ERCC6L2: variants seen among roughly 807,000 people sequenced by gnomAD.
The protein encoded by ERCC6L2 is DNA excision repair protein ERCC-6-like 2.
Under a neutral mutation model 132.0 loss-of-function variants are expected in ERCC6L2, and 77 were observed. That is an observed-to-expected ratio of 0.58 (90% CI 0.49 to 0.71). ERCC6L2 has a LOEUF of 0.71. ERCC6L2 is among the 30% of genes least tolerant of loss of function. The pLI is 0.00. For synonymous variants in ERCC6L2, 583 were observed against 632.4 expected (o/e 0.92, Z 1.17); for missense variants, 1,542 against 1,837.6 (o/e 0.84, Z 2.94).
rs1020500906 is a variant in ERCC6L2, at chr9:95,897,849, G to C, written c.472G>C (p.Val158Leu). The C allele has an allele frequency of 6.2e-6, 10 of 1,611,610 alleles. No homozygotes were observed. Among genetic ancestry groups the C allele is most frequent in the African/African-American group, 2.7e-5 (2 of 74,710 alleles). ...DDMGLGKTVQ[V>L]ISFLAAVLHK... is the part of the protein sequence containing the mutation. ...GATTGAAAAAGTCTTTTTTCCCCAG[G>C]TTATTTCATTTCTGGCTGCAGTTTT... Residue 158 changes from valine (V) to leucine (L), a missense_variant and splice_region_variant, in exon 3 of 19, where the codon GTT (valine) becomes CTT (leucine). This residue lies in a region of ERCC6L2 where 945 missense variants were observed against 1,105.2 expected (regional missense o/e 0.86). Transcript: ENST00000653738.
rs1233704409 is a variant in ERCC6L2, at chr9:96,015,152, C to G, written c.*1949C>G. Among the ~76,000 whole-genome samples, 1 of 147,604 alleles carries G rather than the reference C, an allele frequency of 6.8e-6. No homozygotes were observed. Among genetic ancestry groups the G allele is most frequent in the African/African-American group, 2.5e-5 (1 of 39,900 alleles). On this transcript the variant is annotated 3_prime_UTR_variant, in exon 19 of 19. Transcript: ENST00000653738. ...TCTTATGCCTCAGCCTCCTGAGTAGCTAGGATTACAGGTGTGTACCACCAC... is the reference window on the plus strand; with the variant it reads ...TCTTATGCCTCAGCCTCCTGAGTAGGTAGGATTACAGGTGTGTACCACCAC...
At chr9:95,980,296 G>T (rs1002826413) in intron 17 of ERCC6L2, among the ~76,000 whole-genome samples, 1 of 152,096 alleles carries the variant, frequency 6.6e-6, no homozygotes, top group Admixed American at 6.6e-5. Context: ...TATACCCTTC[G>T]AGGCCATCTA....
Position 95,881,131 on chromosome 9 carries a change from T to G in ERCC6L2, c.309T>G (p.Ser103=). ...CAAACCGAAAATTTCCATCATCTTC[T>G]GTTGCTTTTAAATTATCTGACAATG... The part of the protein sequence containing the change: ...YFPNRKFPSS[S]VAFKLSDNGD... The change falls in exon 2 of 19, where the codon TCT becomes TCG. Residue 103 remains serine (S), a synonymous_variant. Coordinates refer to ENST00000653738, the MANE Select transcript of ERCC6L2 (RefSeq NM_020207.7). The G allele has an allele frequency of 6.2e-7, 1 of 1,613,806 alleles. No homozygotes were observed. The highest frequency in any genetic ancestry group is 2.2e-5 in the East Asian group (1 of 44,860).
At chr9:95,906,676 A>G (rs1166541857) in intron 3 of ERCC6L2, 1 of 457,592 alleles carries the variant, frequency 2.2e-6, no homozygotes, top group South Asian at 1.5e-5. Flanking sequence ...GAGCTCCAGG[A>G]GACCATATAT....
At chr9:95,923,919 TTGGTAATG>T (rs1829989004) in intron 9 of ERCC6L2, among the ~76,000 whole-genome samples, 1 of 150,606 alleles carries the variant, frequency 6.6e-6, no homozygotes. Flanking sequence ...TGTGCTGCTC[TTGGTAATG>T]TGTTACCGAG....
intron 5 of ERCC6L2, 40 bp downstream of exon 5, chr9:95,915,869 T>G (rs769456471): frequency 7.8e-6 from 12 of 1,538,310 alleles, no homozygotes; most frequent in Non-Finnish European, 1.1e-5. Context: ...TTAATAGTTC[T>G]TCAGCTGAAT....
chr9:96,039,102 A>G (rs970401668), exon 20 of ERCC6L2, among the ~76,000 whole-genome samples: 2 of 152,166 alleles, frequency 1.3e-5, no homozygotes, highest in Admixed American at 6.5e-5. Context: ...CCAAGCCACA[A>G]CTTCCCAGCT....
Position 95,941,441 on chromosome 9 carries a change from C to A in ERCC6L2, c.1752-13C>A. The A allele has an allele frequency of 6.6e-7, 1 of 1,520,150 alleles. No individual in the cohort carries two copies. Among genetic ancestry groups the A allele is most frequent in the Non-Finnish European group, 8.9e-7 (1 of 1,118,076 alleles). 94.2% of individuals were successfully genotyped at this position (1,520,150 alleles called of 1,614,324 possible). A position where few individuals can be genotyped will look rare whatever the true frequency, so the allele number is the denominator to read the frequency against. ...CTGTTCTAATGTGCTTTTTTTTTTT[C>A]TCTTTCCTCCAGGGCTGGTGGACTA... On this transcript the variant is annotated splice_polypyrimidine_tract_variant and intron_variant, in intron 11 of 18. Transcript: ENST00000653738.
rs1448287578 is a variant in ERCC6L2, at chr9:96,014,955, A to G, written c.*1752A>G. 6.6e-6 allele frequency among the ~76,000 whole-genome samples: 1 copy of G among 150,610 alleles called. No homozygotes were observed. Among genetic ancestry groups the G allele is most frequent in the African/African-American group, 2.4e-5 (1 of 40,922 alleles). On this transcript the variant is annotated 3_prime_UTR_variant, in exon 19 of 19. Transcript: ENST00000653738. ...AAGACAATGTAGTTCAAACATTTTA[A>G]TACCTTGTAAATTATGATATTCATA...
chr9:96,040,367 G>A (rs763191089), intron 20 of ERCC6L2, among the ~76,000 whole-genome samples: 2 of 152,162 alleles, frequency 1.3e-5, no homozygotes, highest in African/African-American at 2.4e-5. Flanking sequence ...TAGCTTGTTG[G>A]CTAGATCCTC....
chr9:95,884,816 A>C (rs1244351384), intron 2 of ERCC6L2, among the ~76,000 whole-genome samples: 1 of 152,218 alleles, frequency 6.6e-6, no homozygotes, highest in Non-Finnish European at 1.5e-5. Context: ...TTACCTCTTT[A>C]AGAAATATGG....
intron 11 of ERCC6L2, among the ~76,000 whole-genome samples, chr9:95,935,696 C>G (rs1830523539): frequency 6.6e-6 from 1 of 152,110 alleles, no homozygotes; most frequent in Admixed American, 6.5e-5. Context: ...GTTTTGGTCA[C>G]TTGTGGTATA....
Position 95,928,103 on chromosome 9 carries a change from T to C in ERCC6L2, c.1558T>C (p.Cys520Arg). 6.2e-7 allele frequency: 1 copy of C among 1,613,138 alleles called. No individual in the cohort carries two copies. Among genetic ancestry groups the C allele is most frequent in the Non-Finnish European group, 8.5e-7 (1 of 1,179,386 alleles). ...MKVLQQLLNH[C>R]RKNRDKVLLF... Reference sequence around the variant, plus strand: ...GGTCCTTCAGCAGCTTTTAAATCATTGCAGGAAAAACAGAGATAAAGTTCT... The same window carrying C: ...GGTCCTTCAGCAGCTTTTAAATCATCGCAGGAAAAACAGAGATAAAGTTCT... The change falls in exon 10 of 19, where the codon TGC (cysteine) becomes CGC (arginine). Residue 520 changes from cysteine to arginine, a missense_variant. Around this residue, in one of 4 missense-constraint regions of ERCC6L2, gnomAD observed 945 missense variants for 1,105.2 expected, o/e 0.86. Coordinates refer to ENST00000653738, the MANE Select transcript of ERCC6L2 (RefSeq NM_020207.7).
intron 15 of ERCC6L2, among the ~76,000 whole-genome samples, 162 bp from the exon 16 acceptor site, chr9:95,971,771 G>C (rs1426578118): frequency 6.6e-6 from 1 of 152,154 alleles, no homozygotes; most frequent in East Asian, 1.9e-4. Context: ...ACCAGACTAT[G>C]ATATTAAATC....
chr9:95,956,118 C>A (rs563128085), intron 13 of ERCC6L2, 105 bp downstream of exon 13: 4 of 510,736 alleles, frequency 7.8e-6, no homozygotes, highest in South Asian at 9.8e-5. Context: ...TACTGTATTG[C>A]GGAATTTAAT....
At chr9:95,907,857 C>CACACACACACCCACA in intron 4 of ERCC6L2, among the ~76,000 whole-genome samples, 4 of 133,740 alleles carry the variant, frequency 3.0e-5, no homozygotes, top group African/African-American at 1.1e-4. Context: ...ACACACACAC[C>CACACACACACCCACA]CCCACACCCA....
At chr9:95,937,992 A>G (rs778120249) in intron 11 of ERCC6L2, among the ~76,000 whole-genome samples, 14 of 151,308 alleles carry the variant, frequency 9.3e-5, no homozygotes, top group African/African-American at 1.7e-4. Flanking sequence ...ATATTTTGAT[A>G]TGTTGTATTT....
intron 19 of ERCC6L2, among the ~76,000 whole-genome samples, chr9:96,036,769 A>ATTTTTT (rs780544626): frequency 1.7e-5 from 2 of 119,958 alleles, no homozygotes; most frequent in Admixed American, 8.7e-5. Flanking sequence ...TATTATTTTT[A>ATTTTTT]TTTATTTTTT....
chr9:95,899,464 A>G (rs923044776), intron 3 of ERCC6L2, among the ~76,000 whole-genome samples: 4 of 152,140 alleles, frequency 2.6e-5, no homozygotes, highest in Non-Finnish European at 5.9e-5. Flanking sequence ...AAAAAGAACA[A>G]GAATGAAAGA....
Sources: gnomAD v4.1 joint callset for allele counts (sites outside exome capture counted in the v4.1 genomes callset) on GRCh38, gnomAD v4.1.1 for gene constraint, gnomAD v4.1.1 regional missense constraint, MANE v1.5 for transcripts, NCBI Gene and HGNC (gene_info 2026-07-23, HGNC 2026-07-21) for gene names.